The following CDH13 variants were observed in gnomAD, a reference collection of about 807,000 sequenced individuals.
The protein encoded by CDH13 is cadherin 13, also known as cadherin-13.
Under a neutral mutation model 63.8 loss-of-function variants are expected in CDH13, and 24 were observed. The ratio of observed to expected loss-of-function variants is 0.38; its 90% CI spans 0.27 to 0.53. The LOEUF (loss-of-function observed/expected upper bound fraction) is 0.53, where lower values mean the gene tolerates loss of function less well. Among genes scored for constraint, CDH13 ranks in the 20% least tolerant of loss-of-function variants. The pLI, the probability that CDH13 is intolerant of heterozygous loss-of-function variation, is 0.85. For missense variants in CDH13, 1,049 were observed against 903.1 expected, an observed-to-expected ratio of 1.16 and a Z score of -2.07; for synonymous variants, 503 against 355.3, an observed-to-expected ratio of 1.42 and a Z score of -4.67.
intron 2 of CDH13, among the ~76,000 whole-genome samples, chr16:82,998,277 T>C (rs542765549): frequency 6.6e-6 from 1 of 152,238 alleles, no homozygotes; most frequent in Admixed American, 6.5e-5. Context: ...TTGTGTCTTA[T>C]GTAATTTTAA....
At chr16:82,697,261 T>G (rs1475623338) in intron 1 of CDH13, among the ~76,000 whole-genome samples, 2 of 152,026 alleles carry the variant, frequency 1.3e-5, no homozygotes, top group Admixed American at 6.6e-5. Context: ...ATGATTCAGT[T>G]TTAAGGTGGT....
chr16:83,182,485 T>C (rs1055653351), intron 4 of CDH13, among the ~76,000 whole-genome samples: 4 of 152,226 alleles, frequency 2.6e-5, no homozygotes, highest in South Asian at 4.1e-4. Context: ...TCATGTGTGT[T>C]CACTTTATGA....
chr16:82,922,302 C>G (rs539470982), intron 2 of CDH13, among the ~76,000 whole-genome samples: 2 of 152,124 alleles, frequency 1.3e-5, no homozygotes, highest in Admixed American at 1.3e-4. Flanking sequence ...GACTGGACAA[C>G]TTTTCACATA....
chr16:83,323,575 C>T (rs2090288939), intron 5 of CDH13, among the ~76,000 whole-genome samples: 1 of 152,098 alleles, frequency 6.6e-6, no homozygotes, highest in African/African-American at 2.4e-5. Context: ...GCTACCGCGC[C>T]TGGCCAAAGA....
intron 6 of CDH13, among the ~76,000 whole-genome samples, chr16:83,479,225 T>C (rs114842753): frequency 1.6e-5 from 2 of 128,588 alleles, no homozygotes; most frequent in African/African-American, 5.3e-5. Context: ...CCTGTTTCTG[T>C]AGATCCTGAG....
chr16:83,536,446 A>C (rs761957937), intron 7 of CDH13, among the ~76,000 whole-genome samples: 12 of 152,040 alleles, frequency 7.9e-5, no homozygotes, highest in Non-Finnish European at 1.2e-4. Flanking sequence ...GGTAGAAAGA[A>C]CATCACAGGG....
In CDH13 at chr16:83,190,504, C is replaced by T. The variant is rs137900466; in HGVS notation, c.484-26841C>T. Among the ~76,000 whole-genome samples, 120 of 152,260 alleles carry T rather than the reference C, an allele frequency of 7.9e-4. No homozygotes were observed. In the East Asian group the frequency reaches 8.9e-3, roughly 11 times the overall value. The stretch of plus-strand genomic sequence containing the variant: ...TTTTCAGTTGCCACCATGTCTTGAG[C>T]GCCTGCCCTATGCCCCCATACTGTT... On this transcript the variant is annotated intron_variant, in intron 4 of 13. Coordinates refer to ENST00000567109, the MANE Select transcript of CDH13 (RefSeq NM_001257.5).
At chr16:82,712,678 G>T (rs368697214) in intron 1 of CDH13, among the ~76,000 whole-genome samples, 1 of 152,002 alleles carries the variant, frequency 6.6e-6, no homozygotes, top group Non-Finnish European at 1.5e-5. Context: ...TTTTGTTTTC[G>T]TCAGGCCCCC....
At chr16:83,183,397 C>A (rs986554128) in intron 4 of CDH13, among the ~76,000 whole-genome samples, 2 of 152,174 alleles carry the variant, frequency 1.3e-5, no homozygotes, top group Non-Finnish European at 2.9e-5. Context: ...CGACGTGAAG[C>A]CATGGATTTG....
At chr16:83,722,834 A>C (rs1909877143) in intron 10 of CDH13, among the ~76,000 whole-genome samples, 1 of 152,228 alleles carries the variant, frequency 6.6e-6, no homozygotes, top group Non-Finnish European at 1.5e-5. Flanking sequence ...TATTGCTAAG[A>C]CAGCAGCTTC....
chr16:83,689,940 C>G (rs1415139641), intron 10 of CDH13, among the ~76,000 whole-genome samples: 1 of 152,218 alleles, frequency 6.6e-6, no homozygotes, highest in Non-Finnish European at 1.5e-5. Flanking sequence ...AATCCCAGCA[C>G]TTTGGGAGGC....
intron 5 of CDH13, among the ~76,000 whole-genome samples, chr16:83,256,563 G>C (rs1046087494): frequency 6.6e-6 from 1 of 151,670 alleles, no homozygotes; most frequent in Non-Finnish European, 1.5e-5. Flanking sequence ...CAGGCACGGT[G>C]GCTCACGCCT....
intron 2 of CDH13, among the ~76,000 whole-genome samples, chr16:82,986,893 G>T (rs1391716119): frequency 6.6e-6 from 1 of 152,198 alleles, no homozygotes; most frequent in African/African-American, 2.4e-5. Context: ...CTTTCAAGTT[G>T]TGTAGGACAG....
chr16:83,513,749 A>G (rs555206043), intron 7 of CDH13, among the ~76,000 whole-genome samples: 1 of 152,268 alleles, frequency 6.6e-6, no homozygotes, highest in South Asian at 2.1e-4. Flanking sequence ...ACACATGGGG[A>G]TTATGGGAAC....
intron 1 of CDH13, among the ~76,000 whole-genome samples, chr16:82,741,653 C>T (rs1164540302): frequency 2.6e-5 from 4 of 152,068 alleles, no homozygotes; most frequent in Non-Finnish European, 5.9e-5. Context: ...TAAAAATAAG[C>T]ATTTAAGAAA....
In CDH13 at chr16:82,878,574, C is replaced by T. The variant is rs181176131; in HGVS notation, c.157+20101C>T. 1.5e-3 allele frequency among the ~76,000 whole-genome samples: 225 copies of T among 150,966 alleles called. 1 individual carries two copies. The highest frequency in any genetic ancestry group is 5.1e-3 in the African/African-American group (212 of 41,182). ...GAACGGGGAGATTTATTCCAGAACC[C>T]CTTCTGTGCGTTGGGGCTTCTGGTA... On this transcript the variant is annotated intron_variant, in intron 2 of 13. Coordinates refer to ENST00000567109, the MANE Select transcript of CDH13 (RefSeq NM_001257.5).
chr16:83,010,791 C>A (rs1914074941), intron 2 of CDH13, among the ~76,000 whole-genome samples: 1 of 152,162 alleles, frequency 6.6e-6, no homozygotes, highest in Non-Finnish European at 1.5e-5. Context: ...GCGGGGACAT[C>A]TACTTGTTCA....
chr16:83,072,038 ATTAAT>A (rs1294893526), intron 3 of CDH13, among the ~76,000 whole-genome samples: 10 of 152,218 alleles, frequency 6.6e-5, no homozygotes, highest in African/African-American at 1.9e-4. Context: ...AATATATAAA[ATTAAT>A]TTAATAGTAT....
chr16:82,659,042 A>G (rs117805694), intron 1 of CDH13, among the ~76,000 whole-genome samples: 2,029 of 152,268 alleles, frequency 0.013, 20 homozygotes, highest in Middle Eastern at 0.027. Context: ...AAAAGCTGTG[A>G]GCAGGGAGGC....
Sources: allele counts gnomAD v4.1 joint callset (sites outside exome capture counted in the v4.1 genomes callset), GRCh38; gene constraint gnomAD v4.1.1; transcripts MANE v1.5; gene names NCBI Gene and HGNC (gene_info 2026-07-23, HGNC 2026-07-21).